FRMPD4: variants seen among roughly 807,000 people sequenced by gnomAD.
FRMPD4 encodes the protein FERM and PDZ domain containing 4.
A neutral mutation model predicts 94.1 loss-of-function variants in FRMPD4; 22 were observed. The observed-to-expected ratio is 0.23, with a 90% CI of 0.17 to 0.33. The LOEUF is 0.33. Among genes scored for constraint, FRMPD4 ranks in the 10% least tolerant of loss-of-function variants. The pLI is 1.00. For synonymous variants in FRMPD4, 631 were observed against 548.6 expected (o/e 1.15, Z -2.10); for missense variants, 1,111 against 1,339.9 (o/e 0.83, Z 2.67).
intron 4 of FRMPD4, among the ~76,000 whole-genome samples, chrX:12,657,712 G>A (rs191641224): frequency 1.6e-4 from 18 of 111,895 alleles, no homozygotes; most frequent in African/African-American, 5.2e-4. Flanking sequence ...TACACTCAAG[G>A]CATGTACTTT....
chrX:12,140,743 A>T (rs1294400597), intron 1 of FRMPD4, among the ~76,000 whole-genome samples: 2 of 112,541 alleles, frequency 1.8e-5, no homozygotes, highest in Non-Finnish European at 3.8e-5. Flanking sequence ...GATGTTTCAT[A>T]TTCTTTTTAC....
intron 3 of FRMPD4, among the ~76,000 whole-genome samples, chrX:12,042,698 C>T (rs780689717): frequency 1.8e-5 from 2 of 111,782 alleles, no homozygotes; most frequent in South Asian, 7.6e-4. Context: ...TTTTCCTAGT[C>T]AGTGAAAGAT....
chrX:12,551,371 TATA>T (rs1222490751), intron 2 of FRMPD4, among the ~76,000 whole-genome samples: 2 of 110,625 alleles, frequency 1.8e-5, no homozygotes, highest in African/African-American at 3.3e-5. Context: ...ATCCAAAACA[TATA>T]ATGACACTGA....
intron 1 of FRMPD4, among the ~76,000 whole-genome samples, chrX:12,220,667 T>G (rs1472010248): frequency 8.9e-6 from 1 of 112,065 alleles, no homozygotes; most frequent in Non-Finnish European, 1.9e-5. Flanking sequence ...TGAAATGCTG[T>G]GGTTAACATA....
At chrX:12,351,019 C>A (rs919212951) in intron 1 of FRMPD4, among the ~76,000 whole-genome samples, 5 of 110,864 alleles carry the variant, frequency 4.5e-5, no homozygotes, top group South Asian at 3.8e-4. Context: ...ACTAAAAATA[C>A]AAAAATTAGC....
intron 1 of FRMPD4, among the ~76,000 whole-genome samples, chrX:12,252,436 A>G (rs1170639393): frequency 8.9e-6 from 1 of 112,344 alleles, no homozygotes; most frequent in African/African-American, 3.2e-5. Flanking sequence ...AACACAGAGT[A>G]TGTCCTCAAC....
At chrX:11,829,117 T>G (rs960762234) in intron 1 of FRMPD4, among the ~76,000 whole-genome samples, 1 of 112,223 alleles carries the variant, frequency 8.9e-6, no homozygotes, top group Non-Finnish European at 1.9e-5. Context: ...ACCCACATTA[T>G]GCAGGACAAT....
At chrX:12,339,861 C>T (rs1188489991) in intron 1 of FRMPD4, among the ~76,000 whole-genome samples, 2 of 112,012 alleles carry the variant, frequency 1.8e-5, no homozygotes, top group Non-Finnish European at 3.8e-5. Context: ...ATGATCCGCC[C>T]ACCTCGGCCT....
chrX:12,659,728 G>A (rs932556618), intron 4 of FRMPD4, among the ~76,000 whole-genome samples: 1 of 112,568 alleles, frequency 8.9e-6, no homozygotes, highest in South Asian at 3.6e-4. Flanking sequence ...ACAGAAGTGT[G>A]CAAAATAATT....
chrX:11,882,015 C>T (rs2053816513), intron 3 of FRMPD4, among the ~76,000 whole-genome samples: 1 of 111,605 alleles, frequency 9.0e-6, no homozygotes, highest in South Asian at 3.8e-4. Context: ...GCCAGAGACC[C>T]AGGCCAGTTG....
chrX:11,989,381 A>G (rs1203543828), intron 3 of FRMPD4, among the ~76,000 whole-genome samples: 1 of 111,424 alleles, frequency 9.0e-6, no homozygotes, highest in Non-Finnish European at 1.9e-5. Flanking sequence ...AGCCAGGCAC[A>G]GAAAAGCAAA....
intron 3 of FRMPD4, among the ~76,000 whole-genome samples, chrX:11,965,975 T>G (rs1220393964): frequency 9.0e-6 from 1 of 111,605 alleles, no homozygotes; most frequent in African/African-American, 3.3e-5. Context: ...ATTTTAATAT[T>G]TAGTGACTCA....
Position 12,553,434 on chromosome X carries a change from CTATATATATATATATATATA to C in FRMPD4, c.158+54652_158+54671del, listed in dbSNP as rs3066486. 1.8e-4 allele frequency among the ~76,000 whole-genome samples: 7 copies of C among 39,685 alleles called. 1 individual carries two copies. The highest frequency in any genetic ancestry group is 1.6e-3 in the South Asian group (1 of 620). 34.5% of individuals were successfully genotyped at this position (39,685 alleles called of 115,157 possible). On this transcript the variant is annotated intron_variant, in intron 2 of 16. Transcript: ENST00000675598. ...AGTTTTGTGAGATCTATCCATATGC[CTATATATATATATATATATA>C]TATATATATATATCTAATCCACTAA...
At chrX:11,898,538 G>C (rs1423248304) in intron 3 of FRMPD4, among the ~76,000 whole-genome samples, 2 of 111,820 alleles carry the variant, frequency 1.8e-5, no homozygotes, top group African/African-American at 6.5e-5. Flanking sequence ...ATCCAGGTGA[G>C]ACCATAGAAA....
chrX:12,324,818 A>AATGG (rs61441811), intron 1 of FRMPD4, among the ~76,000 whole-genome samples: 6,326 of 111,909 alleles, frequency 0.057, 453 homozygotes, highest in African/African-American at 0.19. Context: ...TAGGTAAGAT[A>AATGG]ATGGGTGTGG....
At chrX:12,394,652 C>T (rs1399598823) in intron 1 of FRMPD4, among the ~76,000 whole-genome samples, 2 of 111,094 alleles carry the variant, frequency 1.8e-5, no homozygotes, top group Non-Finnish European at 3.8e-5. Context: ...CCTTCACCCG[C>T]CTCCCTCCCT....
chrX:12,374,625 T>G (rs894802346), intron 1 of FRMPD4, among the ~76,000 whole-genome samples: 7 of 112,188 alleles, frequency 6.2e-5, no homozygotes, highest in Non-Finnish European at 1.3e-4. Flanking sequence ...ACTTGCCATT[T>G]TAAAGAAAGG....
intron 1 of FRMPD4, among the ~76,000 whole-genome samples, chrX:12,263,613 C>T (rs144531256): frequency 0.011 from 1,245 of 111,147 alleles, 20 homozygotes; most frequent in African/African-American, 0.038. Flanking sequence ...CACAATGACC[C>T]AGGCACCAGA....
chrX:12,141,063 A>G (rs2055682725), intron 1 of FRMPD4, among the ~76,000 whole-genome samples: 1 of 112,167 alleles, frequency 8.9e-6, no homozygotes, highest in Non-Finnish European at 1.9e-5. Flanking sequence ...CAGCATGTAA[A>G]AACACATGTT....
Sources: allele counts gnomAD v4.1 joint callset (sites outside exome capture counted in the v4.1 genomes callset), GRCh38; gene constraint gnomAD v4.1.1; transcripts MANE v1.5; gene names NCBI Gene and HGNC (gene_info 2026-07-23, HGNC 2026-07-21).